The following MRPS22 variants were observed in gnomAD, a reference collection of about 807,000 sequenced individuals.
The protein encoded by MRPS22 is mitochondrial ribosomal protein S22.
Under a neutral mutation model 44.0 loss-of-function variants are expected in MRPS22, and 30 were observed. That is an observed-to-expected ratio of 0.68 (90% CI 0.51 to 0.93). The LOEUF is 0.93. MRPS22 is among the 40% of genes least tolerant of loss of function. MRPS22 has a pLI of 0.00. For synonymous variants in MRPS22, 165 were observed against 154.4 expected (o/e 1.07, Z -0.51); for missense variants, 447 against 447.8 (o/e 1.00, Z 0.02).
intron 7 of MRPS22, among the ~76,000 whole-genome samples, chr3:139,356,151 C>A (rs1160949376): frequency 2.6e-5 from 4 of 152,154 alleles, no homozygotes; most frequent in Non-Finnish European, 5.9e-5. Flanking sequence ...TAGCACATGT[C>A]CCCCAGAGCA....
In MRPS22 at chr3:139,344,072, A is replaced by T. The variant is rs1299226695; in HGVS notation, c.46A>T (p.Ser16Cys). The change falls in exon 1 of 8, where the codon AGT (serine) becomes TGT (cysteine). Residue 16 changes from serine to cysteine, a missense_variant. Ser to Cys is a moderately radical substitution (Grantham distance 112). Coordinates refer to ENST00000680020, the MANE Select transcript of MRPS22 (RefSeq NM_020191.4). Reference sequence around the variant, plus strand: ...TGTATTGCTGTGGAGCCTCTTGAGGAGTTCTCCGGGCGTGGAACGGGTCTG... The same window carrying T: ...TGTATTGCTGTGGAGCCTCTTGAGGTGTTCTCCGGGCGTGGAACGGGTCTG... ...TTVLLWSLLR[S>C]SPGVERVCFR... 6.2e-7 allele frequency: 1 copy of T among 1,614,086 alleles called. No homozygotes were observed. Among genetic ancestry groups the T allele is most frequent in the East Asian group, 2.2e-5 (1 of 44,856 alleles).
intron 6 of MRPS22, among the ~76,000 whole-genome samples, chr3:139,354,779 A>G (rs1304367319): frequency 1.3e-5 from 2 of 152,186 alleles, no homozygotes; most frequent in Non-Finnish European, 2.9e-5. Flanking sequence ...GGGTGTCCTC[A>G]GCCCTCCATT....
chr3:139,349,897 G>A (rs569479283), intron 3 of MRPS22, among the ~76,000 whole-genome samples: 22 of 152,184 alleles, frequency 1.4e-4, no homozygotes, highest in Non-Finnish European at 3.1e-4. Flanking sequence ...GGATATAGAT[G>A]AATCTCAGCT....
chr3:139,352,737 T>A lies in MRPS22; in HGVS notation c.823T>A (p.Phe275Ile). The change falls in exon 6 of 8, where the codon TTT becomes ATT. Residue 275 changes from phenylalanine (F) to isoleucine (I), a missense_variant. By Grantham distance (21) the Phe-to-Ile change is conservative (BLOSUM62 0). Coordinates refer to ENST00000680020, the MANE Select transcript of MRPS22 (RefSeq NM_020191.4). ...TRYFGGMVWY[F>I]VNNKKIDGLL... Reference sequence around the variant, plus strand: ...ATACTTTGGTGGAATGGTGTGGTATTTTGTAAATAATAAAAAGATTGATGG... The same window carrying A: ...ATACTTTGGTGGAATGGTGTGGTATATTGTAAATAATAAAAAGATTGATGG... 4 of 1,613,752 alleles carry A rather than the reference T, an allele frequency of 2.5e-6. No individual in the cohort carries two copies. The highest frequency in any genetic ancestry group is 3.4e-6 in the Non-Finnish European group (4 of 1,179,708).
chr3:139,350,255 A>G lies in MRPS22; in HGVS notation c.581A>G (p.Gln194Arg). The change falls in exon 4 of 8, where the codon CAA (glutamine) becomes CGA (arginine). Residue 194 changes from glutamine to arginine, a missense_variant. Gln to Arg is a conservative substitution (Grantham distance 43, BLOSUM62 1). Transcript: ENST00000680020. The part of the protein sequence containing the change: ...ASWEERDRMI[Q>R]VYFPKEGRKI... ...TGGGAAGAACGGGACCGAATGATACAAGTTTATTTCCCAAAAGAAGGTCGT... is the reference window on the plus strand; with the variant it reads ...TGGGAAGAACGGGACCGAATGATACGAGTTTATTTCCCAAAAGAAGGTCGT... 6.2e-7 allele frequency: 1 copy of G among 1,614,142 alleles called. No homozygotes were observed. The highest frequency in any genetic ancestry group is 8.5e-7 in the Non-Finnish European group (1 of 1,180,012).
chr3:139,351,718 G>A (rs1293135334), intron 5 of MRPS22: 1 of 156,300 alleles, frequency 6.4e-6, no homozygotes, highest in African/African-American at 2.4e-5. Flanking sequence ...AGAGAGAACA[G>A]TATAAGCAAC....
rs147028786 is a variant in MRPS22 at position 139,356,945 on chromosome 3, G to C, written c.1014G>C (p.Lys338Asn). The change falls in exon 8 of 8, where the codon AAG (lysine) becomes AAC (asparagine). Residue 338 changes from lysine (K) to asparagine (N), a missense_variant. Transcript: ENST00000680020. ...IKVFAKTEAQ[K>N]GAYIELTLQT... ...TCTTTGCAAAAACAGAAGCACAGAA[G>C]GGAGCCTATATAGAACTAACACTGC... 1.4e-5 allele frequency: 22 copies of C among 1,612,918 alleles called. No individual in the cohort carries two copies. The African/African-American group carries it at 2.7e-4, about 20-fold the overall frequency.
rs767616711 is a variant in MRPS22 at position 139,347,013 on chromosome 3, A to G, written c.308A>G (p.Tyr103Cys). The G allele has an allele frequency of 1.9e-6, 3 of 1,614,098 alleles. No individual in the cohort carries two copies. The highest frequency in any genetic ancestry group is 2.7e-5 in the African/African-American group (2 of 74,932). The change falls in exon 2 of 8, where the codon TAT becomes TGT. Residue 103 changes from tyrosine (Y) to cysteine (C), a missense_variant. Transcript: ENST00000680020. ...PAIQELKPPT[Y>C]KLMTQAQLEE... Reference sequence around the variant, plus strand: ...ATACAAGAACTGAAGCCACCAACCTATAAGCTAATGACTCAGGCACAGTTG... The same window carrying G: ...ATACAAGAACTGAAGCCACCAACCTGTAAGCTAATGACTCAGGCACAGTTG...
At chr3:139,348,535 C>T in intron 3 of MRPS22, 1 of 577,480 alleles carries the variant, frequency 1.7e-6, no homozygotes, top group Non-Finnish European at 3.1e-6. Flanking sequence ...AGATAATAGG[C>T]ACAGTATTTT....
intron 3 of MRPS22, chr3:139,349,094 G>A: frequency 3.0e-6 from 1 of 333,994 alleles, no homozygotes; most frequent in South Asian, 2.4e-5. Flanking sequence ...TTCAACACCA[G>A]CCATCTGTAT....
chr3:139,351,684 G>T (rs1285708382), intron 5 of MRPS22: 1 of 158,020 alleles, frequency 6.3e-6, no homozygotes, highest in Non-Finnish European at 1.4e-5. Flanking sequence ...TGTGGCAGGT[G>T]GAGCTGGGTG....
chr3:139,346,334 A>AAG (rs1162843045), intron 1 of MRPS22, among the ~76,000 whole-genome samples: 9 of 152,110 alleles, frequency 5.9e-5, no homozygotes, highest in African/African-American at 2.2e-4. Flanking sequence ...CCTCTCCTGT[A>AAG]TACCATACCT....
At chr3:139,346,482 A>G (rs1307541651) in intron 1 of MRPS22, among the ~76,000 whole-genome samples, 4 of 152,228 alleles carry the variant, frequency 2.6e-5, no homozygotes, top group African/African-American at 9.6e-5. Flanking sequence ...GTCTTTGGAT[A>G]GGCTTCAGCA....
chr3:139,356,788 G>A (rs1941283007), intron 7 of MRPS22, 131 bp from the exon 8 acceptor site: 1 of 667,566 alleles, frequency 1.5e-6, no homozygotes. Flanking sequence ...GGGAAAAATT[G>A]TGAAATCTGA....
chr3:139,357,025 A>AAAAT lies in MRPS22; in HGVS notation c.*13_*16dup. On this transcript the variant is annotated 3_prime_UTR_variant, in exon 8 of 8. Transcript: ENST00000680020. The stretch of plus-strand genomic sequence containing the variant: ...TCTGCAGCTTCCTAAAAATATTTTA[A>AAAAT]AAATACATTTATTTTACTAAATACT... 6.3e-7 allele frequency: 1 copy of AAAAT among 1,576,572 alleles called. No homozygotes were observed. The highest frequency in any genetic ancestry group is 8.7e-7 in the Non-Finnish European group (1 of 1,148,742).
At chr3:139,350,671 ACC>A (rs5852942) in intron 4 of MRPS22, 385 of 353,568 alleles carry the variant, frequency 1.1e-3, no homozygotes, top group Middle Eastern at 3.1e-3. Flanking sequence ...CGGGATTCGC[ACC>A]CCCCCCCCGC....
intron 2 of MRPS22, among the ~76,000 whole-genome samples, chr3:139,347,304 AC>A (rs1245128325): frequency 6.6e-6 from 1 of 151,330 alleles, no homozygotes; most frequent in Non-Finnish European, 1.5e-5. Context: ...CAGCCTGAGC[AC>A]CCCTCCTTTT....
chr3:139,349,229 G>C, intron 3 of MRPS22: 2 of 428,782 alleles, frequency 4.7e-6, no homozygotes, highest in Non-Finnish European at 9.2e-6. Flanking sequence ...ACTTGAAAAG[G>C]AGAAAGGAAC....
At chr3:139,355,974 G>A (rs911417927) in intron 7 of MRPS22, among the ~76,000 whole-genome samples, 184 bp downstream of exon 7, 2 of 152,170 alleles carry the variant, frequency 1.3e-5, no homozygotes, top group Non-Finnish European at 2.9e-5. Context: ...AGACAGGGGA[G>A]GGGGGTAAAG....
Sources: gnomAD v4.1 joint callset for allele counts (sites outside exome capture counted in the v4.1 genomes callset) on GRCh38, gnomAD v4.1.1 for gene constraint, MANE v1.5 for transcripts, NCBI Gene and HGNC (gene_info 2026-07-23, HGNC 2026-07-21) for gene names.